The following PHACTR3 variants were observed in gnomAD, a reference collection of about 807,000 sequenced individuals.
The protein encoded by PHACTR3 is phosphatase and actin regulator 3, also known as protein phosphatase 1, regulatory subunit 123.
Under a neutral mutation model 66.8 loss-of-function variants are expected in PHACTR3, and 16 were observed. The ratio of observed to expected loss-of-function variants is 0.24; its 90% CI spans 0.16 to 0.36. The LOEUF is 0.36. Ranked by LOEUF, PHACTR3 falls within the 10% of genes least tolerant of loss-of-function variation. The pLI, the probability that PHACTR3 is intolerant of heterozygous loss-of-function variation, is 1.00. For missense variants in PHACTR3, 647 were observed against 719.9 expected, an observed-to-expected ratio of 0.90 and a Z score of 1.16; for synonymous variants, 323 against 292.1, an observed-to-expected ratio of 1.11 and a Z score of -1.08.
rs750063656 is a variant in PHACTR3 at position 59,806,105 on chromosome 20, A to G, written c.1239A>G (p.Lys413=). 1 of 1,614,252 alleles carries G rather than the reference A, an allele frequency of 6.2e-7. No individual in the cohort carries two copies. Among genetic ancestry groups the G allele is most frequent in the Non-Finnish European group, 8.5e-7 (1 of 1,180,044 alleles). ...TGAAGCTAAGGAACCGGCCAAGCAA[A>G]CAGGAACTAGAAGACCGGAACATTT... ...LAVKLRNRPS[K]QELEDRNIFP... Residue 413 remains lysine, a synonymous_variant, in exon 8 of 13, where the codon AAA becomes AAG. Transcript: ENST00000371015.
chr20:59,834,651 G>A (rs773689917), intron 8 of PHACTR3, among the ~76,000 whole-genome samples: 41 of 152,106 alleles, frequency 2.7e-4, no homozygotes, highest in Admixed American at 2.6e-4. Flanking sequence ...GTTAAGAGAC[G>A]CTATGGTCTT....
At chr20:59,631,528 G>A (rs982694387) in intron 1 of PHACTR3, among the ~76,000 whole-genome samples, 1 of 152,112 alleles carries the variant, frequency 6.6e-6, no homozygotes, top group Non-Finnish European at 1.5e-5. Context: ...GGCCTTGACA[G>A]AGGCAGGAGG....
At chr20:59,676,625 G>C in intron 1 of PHACTR3, 2 of 892,582 alleles carry the variant, frequency 2.2e-6, no homozygotes, top group Non-Finnish European at 2.7e-6. Context: ...GAGCAAGTGA[G>C]AGTGCCAGGG....
chr20:59,730,209 A>C (rs1244406254), intron 1 of PHACTR3, among the ~76,000 whole-genome samples: 1 of 152,206 alleles, frequency 6.6e-6, no homozygotes, highest in African/African-American at 2.4e-5. Context: ...CTAATTAAAA[A>C]TTGTGCTGAA....
chr20:59,795,455 G>T (rs1287540943), intron 7 of PHACTR3, among the ~76,000 whole-genome samples: 1 of 151,468 alleles, frequency 6.6e-6, no homozygotes, highest in East Asian at 1.9e-4. Flanking sequence ...TGTGTATTCT[G>T]CAGCTGCTGG....
At chr20:59,618,394 G>C (rs79285485) in intron 1 of PHACTR3, among the ~76,000 whole-genome samples, 2 of 152,154 alleles carry the variant, frequency 1.3e-5, no homozygotes, top group Non-Finnish European at 2.9e-5. Context: ...TTTCCAAGCC[G>C]TCACTCTGGC....
At chr20:59,773,516 C>A in intron 6 of PHACTR3, 63 bp downstream of exon 6, 1 of 1,487,990 alleles carries the variant, frequency 6.7e-7, no homozygotes, top group Non-Finnish European at 9.0e-7. Flanking sequence ...CAGCCTCAGG[C>A]TGTGCAGCTC....
chr20:59,703,521 A>G (rs2037585032), intron 1 of PHACTR3, among the ~76,000 whole-genome samples: 1 of 152,194 alleles, frequency 6.6e-6, no homozygotes, highest in Non-Finnish European at 1.5e-5. Flanking sequence ...GAAGGTTTGT[A>G]AGGTTTGTGT....
intron 2 of PHACTR3, among the ~76,000 whole-genome samples, chr20:59,744,700 G>A (rs985473845): frequency 6.6e-6 from 1 of 152,220 alleles, no homozygotes; most frequent in Non-Finnish European, 1.5e-5. Context: ...CAACCAAGAA[G>A]TTGATAGATG....
chr20:59,591,465 TGAG>T (rs1374021624), intron 1 of PHACTR3, among the ~76,000 whole-genome samples: 2 of 152,148 alleles, frequency 1.3e-5, no homozygotes, highest in African/African-American at 4.8e-5. Context: ...AGGGTACAGA[TGAG>T]GAAACTGAGG....
Position 59,604,752 on chromosome 20 carries a change from C to T in PHACTR3, c.-263C>T, listed in dbSNP as rs2033596572. The T allele has an allele frequency of 5.3e-6, 6 of 1,128,566 alleles. No homozygotes were observed. Among genetic ancestry groups the T allele is most frequent in the Non-Finnish European group, 6.5e-6 (6 of 925,254 alleles). 69.9% of individuals were successfully genotyped at this position (1,128,566 alleles called of 1,614,324 possible). On this transcript the variant is annotated 5_prime_UTR_variant, in exon 1 of 13. Transcript: ENST00000371015. Reference sequence around the variant, plus strand: ...ATATAGACTGAAGAATGGGAATAAACACGAATAAATAACAAAGCGAGGCCG... The same window carrying T: ...ATATAGACTGAAGAATGGGAATAAATACGAATAAATAACAAAGCGAGGCCG...
chr20:59,675,439 G>A (rs6070907), intron 1 of PHACTR3, among the ~76,000 whole-genome samples: 1 of 152,084 alleles, frequency 6.6e-6, no homozygotes, highest in East Asian at 1.9e-4. Flanking sequence ...TGGGGTGTCA[G>A]GGGGCAACTA....
chr20:59,635,149 T>TTTCTTTCTTTCC (rs2034825087), intron 1 of PHACTR3, among the ~76,000 whole-genome samples: 11 of 60,378 alleles, frequency 1.8e-4, no homozygotes, highest in African/African-American at 5.9e-4. Flanking sequence ...CTTTCTTTCT[T>TTTCTTTCTTTCC]TTTCTTTCTT....
At chr20:59,690,923 C>T (rs1410993894) in intron 1 of PHACTR3, among the ~76,000 whole-genome samples, 1 of 152,194 alleles carries the variant, frequency 6.6e-6, no homozygotes, top group East Asian at 1.9e-4. Flanking sequence ...TCCTGCATCA[C>T]AGGGTAACAC....
Position 59,773,535 on chromosome 20 carries a change from C to T in PHACTR3, c.926+82C>T, listed in dbSNP as rs2040427506. 3 of 1,388,004 alleles carry T rather than the reference C, an allele frequency of 2.2e-6. No homozygotes were observed. In the East Asian group the frequency reaches 7.7e-5, roughly 36 times the overall value. The allele number at this position is 1,388,004 out of a possible 1,614,324, so 86.0% of individuals were successfully genotyped here. A position where few individuals can be genotyped will look rare whatever the true frequency, so the allele number is the denominator to read the frequency against. ...CTCAGGCTGTGCAGCTCATGCCACG[C>T]CCAGGGCCTTGGCTGGGTGTCCCGT... is the stretch of plus-strand genomic sequence containing the variant. On this transcript the variant is annotated intron_variant, in intron 6 of 12. Coordinates refer to ENST00000371015, the MANE Select transcript of PHACTR3 (RefSeq NM_080672.5).
intron 4 of PHACTR3, among the ~76,000 whole-genome samples, chr20:59,765,083 C>T (rs1419399785): frequency 6.6e-6 from 1 of 152,192 alleles, no homozygotes; most frequent in Admixed American, 6.5e-5. Context: ...TCTGTGCTTA[C>T]CTGTGGCTTA....
At position 59,764,197 on chromosome 20, in the gene PHACTR3, T is replaced by C. The variant is rs150362795; in HGVS notation, c.542-2989T>C. On this transcript the variant is annotated intron_variant, in intron 4 of 12. Transcript: ENST00000371015. ...AGACATAGAAGATAGATCCAGATGA[T>C]TGGCTGGGGCTGACCCAGAAGTGAG... Among the ~76,000 whole-genome samples, 1,053 of 152,056 alleles carry C rather than the reference T, an allele frequency of 6.9e-3. 17 individuals carry two copies. The highest frequency in any genetic ancestry group is 0.024 in the African/African-American group (1,000 of 41,440).
chr20:59,717,357 T>C (rs550926211), intron 1 of PHACTR3, among the ~76,000 whole-genome samples: 51 of 152,326 alleles, frequency 3.3e-4, no homozygotes, highest in African/African-American at 1.1e-3. Context: ...CTTTCCTCAA[T>C]TTTCCCCCAG....
At chr20:59,714,725 G>C (rs1157554358) in intron 1 of PHACTR3, among the ~76,000 whole-genome samples, 3 of 152,128 alleles carry the variant, frequency 2.0e-5, no homozygotes, top group African/African-American at 7.2e-5. Flanking sequence ...TAAACCTTTT[G>C]TAAGTTGGAT....
Sources: allele counts gnomAD v4.1 joint callset (sites outside exome capture counted in the v4.1 genomes callset), GRCh38; gene constraint gnomAD v4.1.1; transcripts MANE v1.5; gene names NCBI Gene and HGNC (gene_info 2026-07-23, HGNC 2026-07-21).